Variants in COL9A3 observed in about 807,000 individuals in gnomAD.
COL9A3 encodes collagen type IX alpha 3 chain, also known as collagen alpha-3(IX) chain.
In COL9A3, 82 loss-of-function variants were observed where a neutral mutation model predicts 110.2. That is an observed-to-expected ratio of 0.74 (90% confidence interval 0.62 to 0.89). The LOEUF is 0.89. COL9A3 is among the 40% of genes least tolerant of loss of function. The pLI, the probability that COL9A3 is intolerant of heterozygous loss-of-function variation, is 0.00. For missense variants in COL9A3, 1,066 were observed against 981.3 expected (o/e 1.09, Z -1.15); for synonymous variants, 494 against 403.8 (o/e 1.22, Z -2.68).
intron 3 of COL9A3, 129 bp from the exon 4 acceptor site, chr20:62,819,093 G>A (rs1023867762): frequency 1.5e-5 from 14 of 923,608 alleles, no homozygotes; most frequent in Non-Finnish European, 2.1e-5. Context: ...CAGTAGGGGG[G>A]ACCCAGGAGA....
At chr20:62,817,679 G>A in intron 2 of COL9A3, 44 bp downstream of exon 2, 1 of 1,370,768 alleles carries the variant, frequency 7.3e-7, no homozygotes, top group Non-Finnish European at 9.9e-7. Context: ...CTGGGGTTCT[G>A]GCTCTGGCCC....
Position 62,826,832 on chromosome 20 carries a change from A to G in COL9A3, c.792+12A>G. On this transcript the variant is annotated intron_variant, in intron 15 of 31. Transcript: ENST00000649368. Reference sequence around the variant, plus strand: ...CGCCTGGGAAAGCGGTACGTGTGTCAGTGGACGGTGGGCGCCATGCCTCGT... The same window carrying G: ...CGCCTGGGAAAGCGGTACGTGTGTCGGTGGACGGTGGGCGCCATGCCTCGT... 6.2e-7 allele frequency: 1 copy of G among 1,612,556 alleles called. No homozygotes were observed. Among genetic ancestry groups the G allele is most frequent in the Non-Finnish European group, 8.5e-7 (1 of 1,179,886 alleles).
upstream of COL9A3, among the ~76,000 whole-genome samples, chr20:62,816,707 G>A (rs1194656861): frequency 2.0e-5 from 3 of 152,206 alleles, no homozygotes; most frequent in Non-Finnish European, 2.9e-5. Flanking sequence ...CCTCCCTGAA[G>A]GCGGCCCTTC....
intron 3 of COL9A3, 71 bp downstream of exon 3, chr20:62,818,624 G>C: frequency 2.7e-6 from 4 of 1,468,168 alleles, no homozygotes; most frequent in South Asian, 2.3e-5. Context: ...GAACAGAGGG[G>C]TCATTGATAT....
chr20:62,831,088 CGCCTA>C (rs1568759612), intron 24 of COL9A3: 3 of 152,294 alleles, frequency 2.0e-5, no homozygotes, highest in Non-Finnish European at 2.9e-5. Flanking sequence ...CGCCTGCTCC[CGCCTA>C]GCGGGTGTCT....
intron 17 of COL9A3, 35 bp downstream of exon 17, chr20:62,828,011 C>T (rs954928060): frequency 1.9e-6 from 3 of 1,611,232 alleles, no homozygotes; most frequent in Non-Finnish European, 2.5e-6. Context: ...AATGCTCCTC[C>T]CCCGGGTCCT....
At chr20:62,839,850 TC>T (rs1245129235) in intron 31 of COL9A3, among the ~76,000 whole-genome samples, 2 of 151,664 alleles carry the variant, frequency 1.3e-5, no homozygotes, top group Admixed American at 1.3e-4. Flanking sequence ...TGGAGCCCTC[TC>T]CCCTTCTCCC....
chr20:62,817,466 G>A, intron 1 of COL9A3, 101 bp from the exon 2 acceptor site: 2 of 831,868 alleles, frequency 2.4e-6, no homozygotes, highest in Non-Finnish European at 3.9e-6. Context: ...GAGAGCGGCG[G>A]TCGTCGCAGG....
Position 62,826,228 on chromosome 20 carries a change from C to A in COL9A3, c.709C>A (p.Pro237Thr). Reference sequence around the variant, plus strand: ...GGGCCCCCGGGGATTACGAGGACTGCCAGGGCCACTCGGGCCCCCTGGGGA... The same window carrying A: ...GGGCCCCCGGGGATTACGAGGACTGACAGGGCCACTCGGGCCCCCTGGGGA... ...LQGPRGLRGL[P>T]GPLGPPGDRG... Residue 237 changes from proline to threonine, a missense_variant, in exon 14 of 32, where the codon CCA (proline) becomes ACA (threonine). By Grantham distance (38) the Pro-to-Thr change is conservative. Transcript: ENST00000649368. The A allele has an allele frequency of 1.3e-6, 2 of 1,561,732 alleles. No individual in the cohort carries two copies. Among genetic ancestry groups the A allele is most frequent in the Non-Finnish European group, 1.7e-6 (2 of 1,153,750 alleles).
chr20:62,835,602 CAG>C (rs2063629104), intron 26 of COL9A3, among the ~76,000 whole-genome samples: 1 of 152,010 alleles, frequency 6.6e-6, no homozygotes, highest in Non-Finnish European at 1.5e-5. Flanking sequence ...GGTTTTAGGG[CAG>C]AGAGGTTCAG....
chr20:62,819,900 C>G (rs565893859), intron 4 of COL9A3, 29 bp from the exon 5 acceptor site: 50 of 1,612,482 alleles, frequency 3.1e-5, no homozygotes, highest in Non-Finnish European at 4.1e-5. Flanking sequence ...CCATGTGGCC[C>G]CTCGAGCTCG....
rs914931551 is a variant in COL9A3, at chr20:62,822,002, G to A, written c.424-109G>A. On this transcript the variant is annotated intron_variant, in intron 8 of 31. Coordinates refer to ENST00000649368, the MANE Select transcript of COL9A3 (RefSeq NM_001853.4). ...GACGCAGACACCAGCACAGTCCGTG[G>A]GAGTGGGGGCTGGTGGGAGCTGGGC... 4.7e-5 allele frequency: 39 copies of A among 830,102 alleles called. No individual in the cohort carries two copies. In the Admixed American group the frequency reaches 5.0e-4, roughly 11 times the overall value. The allele number at this position is 830,102 out of a possible 1,614,324, so 51.4% of individuals were successfully genotyped here. A position where few individuals can be genotyped will look rare whatever the true frequency, so the allele number is the denominator to read the frequency against.
At chr20:62,829,162 G>A (rs2063576591) in intron 19 of COL9A3, among the ~76,000 whole-genome samples, 186 bp downstream of exon 19, 1 of 152,224 alleles carries the variant, frequency 6.6e-6, no homozygotes, top group African/African-American at 2.4e-5. Flanking sequence ...TTGCCTGTAT[G>A]TTTGCATGTG....
chr20:62,822,912 A>G (rs1019892880), intron 10 of COL9A3, among the ~76,000 whole-genome samples: 2 of 152,134 alleles, frequency 1.3e-5, no homozygotes, highest in African/African-American at 4.8e-5. Flanking sequence ...ATGAATCACA[A>G]TCATGTCACA....
chr20:62,828,794 G>C lies in COL9A3; in HGVS notation c.931G>C (p.Val311Leu). ...GMPGKDGQNG[V>L]PGLDGQKGEA... ...GCCGGGCAAGGACGGCCAGAATGGC[G>C]TGCCAGGACTCGATGGCCAGAAGGT... The change falls in exon 18 of 32, where the codon GTG becomes CTG. Residue 311 changes from valine (V) to leucine (L), a missense_variant. By Grantham distance (32) the Val-to-Leu change is conservative. Coordinates refer to ENST00000649368, the MANE Select transcript of COL9A3 (RefSeq NM_001853.4). The C allele has an allele frequency of 6.2e-7, 1 of 1,612,860 alleles. No individual in the cohort carries two copies. The highest frequency in any genetic ancestry group is 1.1e-5 in the South Asian group (1 of 91,082).
Position 62,837,068 on chromosome 20 carries a change from C to T in COL9A3, c.1604-15C>T, listed in dbSNP as rs1322841387. ...CCTCTCTCGAGTAAACGCCTGCACC[C>T]TTGTTTTCCCAAAGAACAAATTGCA... On this transcript the variant is annotated splice_polypyrimidine_tract_variant and intron_variant, in intron 29 of 31. Coordinates refer to ENST00000649368, the MANE Select transcript of COL9A3 (RefSeq NM_001853.4). 5.6e-6 allele frequency: 9 copies of T among 1,612,382 alleles called. No homozygotes were observed. Among genetic ancestry groups the T allele is most frequent in the Admixed American group, 1.7e-5 (1 of 60,032 alleles).
intron 7 of COL9A3, 21 bp downstream of exon 7, chr20:62,821,551 G>C: frequency 6.2e-7 from 1 of 1,612,644 alleles, no homozygotes; most frequent in Non-Finnish European, 8.5e-7. Flanking sequence ...ACAACCCTTG[G>C]GGCCCTGAGC....
intron 1 of COL9A3, 32 bp downstream of exon 1, chr20:62,817,174 C>T: frequency 7.4e-7 from 1 of 1,347,820 alleles, no homozygotes; most frequent in Non-Finnish European, 9.6e-7. Flanking sequence ...TGAGGCTGGA[C>T]GTGGAGCCGC....
chr20:62,839,794 A>G (rs1486886546), intron 31 of COL9A3, among the ~76,000 whole-genome samples: 7 of 140,848 alleles, frequency 5.0e-5, no homozygotes, highest in African/African-American at 1.9e-4. Flanking sequence ...GGTGCCCTGG[A>G]GCCCTGTCCT....
Sources: allele counts gnomAD v4.1 joint callset (sites outside exome capture counted in the v4.1 genomes callset), GRCh38; gene constraint gnomAD v4.1.1; transcripts MANE v1.5; gene names NCBI Gene and HGNC (gene_info 2026-07-23, HGNC 2026-07-21).